SPNS3: variants seen among roughly 807,000 people sequenced by gnomAD.
SPNS3 encodes SPNS lysolipid transporter 3, sphingosine-1-phosphate (putative).
In SPNS3, 51 loss-of-function variants were observed where a neutral mutation model predicts 54.4. The ratio of observed to expected loss-of-function variants is 0.94; its 90% confidence interval spans 0.75 to 1.18. The LOEUF is 1.18. Among genes scored for constraint, SPNS3 ranks in the 50% most tolerant of loss-of-function variants. The pLI, the probability that SPNS3 is intolerant of heterozygous loss-of-function variation, is 0.00. For synonymous variants in SPNS3, 309 were observed against 294.7 expected, an observed-to-expected ratio of 1.05 and a Z score of -0.50; for missense variants, 669 against 677.4, an observed-to-expected ratio of 0.99 and a Z score of 0.14.
intron 7 of SPNS3, among the ~76,000 whole-genome samples, chr17:4,449,762 G>A (rs564967523): frequency 6.6e-6 from 1 of 152,136 alleles, no homozygotes; most frequent in East Asian, 1.9e-4. Context: ...TTCTGTGAGG[G>A]CATCCCATTT....
chr17:4,448,131 C>A, intron 5 of SPNS3, 24 bp from the exon 6 acceptor site: 1 of 1,560,444 alleles, frequency 6.4e-7, no homozygotes, highest in Non-Finnish European at 8.6e-7. Flanking sequence ...CGGCCCTGAG[C>A]TTCCTGGGCC....
intron 8 of SPNS3, among the ~76,000 whole-genome samples, chr17:4,461,492 T>C (rs937707943): frequency 6.7e-6 from 1 of 149,448 alleles, no homozygotes; most frequent in African/African-American, 2.5e-5. Flanking sequence ...AGCCACCCTA[T>C]CTGGCTGGCT....
intron 7 of SPNS3, among the ~76,000 whole-genome samples, chr17:4,452,273 T>C (rs1232606392): frequency 6.6e-6 from 1 of 152,088 alleles, no homozygotes; most frequent in South Asian, 2.1e-4. Context: ...ATTTAAAAAT[T>C]TTTTGTAGAG....
chr17:4,466,151 C>T (rs964884944), intron 8 of SPNS3, among the ~76,000 whole-genome samples: 1 of 152,216 alleles, frequency 6.6e-6, no homozygotes, highest in Non-Finnish European at 1.5e-5. Context: ...AATCTTTCCC[C>T]AGCGCCTCCT....
intron 7 of SPNS3, 56 bp from the exon 8 acceptor site, chr17:4,452,960 A>G (rs1971205456): frequency 1.3e-6 from 2 of 1,530,224 alleles, no homozygotes; most frequent in Non-Finnish European, 1.8e-6. Flanking sequence ...GCAGGATAAG[A>G]GTCCCTATGC....
chr17:4,467,571 A>G (rs1004689691), intron 8 of SPNS3, among the ~76,000 whole-genome samples: 2 of 152,150 alleles, frequency 1.3e-5, no homozygotes, highest in African/African-American at 2.4e-5. Flanking sequence ...TCTCAGGGCA[A>G]TGCTCTAAGA....
intron 8 of SPNS3, among the ~76,000 whole-genome samples, chr17:4,458,397 TC>T (rs1971373120): frequency 6.8e-6 from 1 of 147,914 alleles, no homozygotes; most frequent in Non-Finnish European, 1.5e-5. Flanking sequence ...CTTCTTTCTT[TC>T]TTTCTTTCCA....
intron 3 of SPNS3, among the ~76,000 whole-genome samples, chr17:4,445,390 T>G (rs1208225313): frequency 1.3e-5 from 2 of 149,056 alleles, no homozygotes; most frequent in Non-Finnish European, 2.9e-5. Flanking sequence ...TTTTTTTTTT[T>G]TTGAGACAGA....
chr17:4,487,800 C>A lies in SPNS3; in HGVS notation c.1451-6C>A, dbSNP rs771891385. 3.7e-6 allele frequency: 6 copies of A among 1,613,698 alleles called. No individual in the cohort carries two copies. The South Asian group carries it at 6.6e-5, about 18-fold the overall frequency. On this transcript the variant is annotated splice_polypyrimidine_tract_variant and splice_region_variant and intron_variant, in intron 11 of 11. Transcript: ENST00000355530. ...TCGGGCAGGCTGAGCATCTTTCCTCCTGCAGGGACCCCAGACAGCAATGAT... is the reference window on the plus strand; with the variant it reads ...TCGGGCAGGCTGAGCATCTTTCCTCATGCAGGGACCCCAGACAGCAATGAT...
Position 4,446,115 on chromosome 17 carries a change from C to T in SPNS3, c.470C>T (p.Ala157Val), listed in dbSNP as rs201863160. ...GGCTCGGCCAGCTACTCCACCATCG[C>T]GCCCACCGTCCTGGGCGACCTCTTC... The part of the protein sequence containing the change: ...GTGSASYSTI[A>V]PTVLGDLFVR... Residue 157 changes from alanine to valine, a missense_variant, in exon 4 of 12, where the codon GCG (alanine) becomes GTG (valine). Physicochemically the swap from Ala to Val is moderately conservative, Grantham distance 64. Transcript: ENST00000355530. 49 of 1,613,504 alleles carry T rather than the reference C, an allele frequency of 3.0e-5. No homozygotes were observed. Among genetic ancestry groups the T allele is most frequent in the Middle Eastern group, 1.7e-4 (1 of 6,058 alleles).
intron 8 of SPNS3, among the ~76,000 whole-genome samples, chr17:4,463,412 C>A (rs75079862): frequency 0.037 from 4,584 of 124,320 alleles, 244 homozygotes; most frequent in African/African-American, 0.12. Flanking sequence ...AAAAAAAAAA[C>A]AAAACAAAAC....
chr17:4,452,870 C>T (rs967165349), intron 7 of SPNS3, 146 bp from the exon 8 acceptor site: 16 of 703,776 alleles, frequency 2.3e-5, no homozygotes, highest in Non-Finnish European at 4.6e-6. Context: ...GGTTCTGGGT[C>T]AGGTCAGGGG....
Position 4,457,194 on chromosome 17 carries a change from C to T in SPNS3, c.1113+3989C>T, listed in dbSNP as rs1025056270. ...ATCACTTGAGCTCAGGAGTTAGAGA[C>T]CAGCCTGGACAATGTAGCAAGACCC... On this transcript the variant is annotated intron_variant, in intron 8 of 11. Coordinates refer to ENST00000355530, the MANE Select transcript of SPNS3 (RefSeq NM_182538.5). Among the ~76,000 whole-genome samples, 95 of 152,148 alleles carry T rather than the reference C, an allele frequency of 6.2e-4. 3 individuals carry two copies. Among genetic ancestry groups the T allele is most frequent in the Non-Finnish European group, 7.4e-5 (5 of 68,024 alleles).
Position 4,483,503 on chromosome 17 carries a change from C to G in SPNS3, c.1180-2725C>G, listed in dbSNP as rs1017915071. 1.3e-4 allele frequency: 20 copies of G among 152,230 alleles called. No individual in the cohort carries two copies. Among genetic ancestry groups the G allele is most frequent in the African/African-American group, 4.6e-4 (19 of 41,416 alleles). 9.4% of individuals were successfully genotyped at this position (152,230 alleles called of 1,614,324 possible). On this transcript the variant is annotated intron_variant, in intron 9 of 11. Coordinates refer to ENST00000355530, the MANE Select transcript of SPNS3 (RefSeq NM_182538.5). The surrounding 1 kb of genome is among the most constrained non-coding windows in gnomAD (Gnocchi z 4.2). ...GAGCTGGGCCCAGCAGGTTGGGGTT[C>G]CTGGGAGAGGAGGAAGGGGCCAGCC...
At chr17:4,444,513 G>A (rs1450122080) in intron 2 of SPNS3, among the ~76,000 whole-genome samples, 3 of 151,924 alleles carry the variant, frequency 2.0e-5, no homozygotes, top group South Asian at 4.2e-4. Context: ...GTGAGCCACC[G>A]CGCCCGGCCC....
In SPNS3 at chr17:4,465,516, TGAG is replaced by T. The variant is rs201853961; in HGVS notation, c.1113+12315_1113+12317del. Among the ~76,000 whole-genome samples, 923 of 152,056 alleles carry T rather than the reference TGAG, an allele frequency of 6.1e-3. 8 individuals are homozygous for T. Among genetic ancestry groups the T allele is most frequent in the African/African-American group, 0.021 (851 of 41,462 alleles). On this transcript the variant is annotated intron_variant, in intron 8 of 11. Coordinates refer to ENST00000355530, the MANE Select transcript of SPNS3 (RefSeq NM_182538.5). ...GCCGAGGCGGGAGGATTACCTGAGATGAGGAGTTCAAGACCAGCTTAGCCAACG... is the reference window on the plus strand; with the variant it reads ...GCCGAGGCGGGAGGATTACCTGAGATGAGTTCAAGACCAGCTTAGCCAACG...
At chr17:4,467,447 C>G (rs758083025) in intron 8 of SPNS3, among the ~76,000 whole-genome samples, 6 of 152,070 alleles carry the variant, frequency 3.9e-5, no homozygotes, top group Non-Finnish European at 7.4e-5. Flanking sequence ...GATTACTGCA[C>G]TGGAATGTCC....
intron 5 of SPNS3, among the ~76,000 whole-genome samples, chr17:4,447,904 G>A (rs1289480889): frequency 6.6e-6 from 1 of 152,178 alleles, no homozygotes; most frequent in Non-Finnish European, 1.5e-5. Context: ...GTCTGTACTG[G>A]AAAGACGGGA....
chr17:4,478,031 G>A (rs1433613736), intron 8 of SPNS3, among the ~76,000 whole-genome samples: 1 of 140,884 alleles, frequency 7.1e-6, no homozygotes, highest in Non-Finnish European at 1.5e-5. Context: ...GAGTGCAGTG[G>A]TGTGATCTCG....
Sources: allele counts gnomAD v4.1 joint callset (sites outside exome capture counted in the v4.1 genomes callset), GRCh38; gene constraint gnomAD v4.1.1; non-coding constraint Gnocchi (gnomAD v3.1); transcripts MANE v1.5; gene names NCBI Gene and HGNC (gene_info 2026-07-23, HGNC 2026-07-21).